Variants in RELN observed in about 807,000 individuals in gnomAD.
The protein encoded by RELN is reelin.
In RELN, 108 loss-of-function variants were observed where a neutral mutation model predicts 427.6. The observed-to-expected ratio is 0.25, with a 90% CI of 0.22 to 0.30. RELN has a LOEUF of 0.30. Among genes scored for constraint, RELN ranks in the 10% least tolerant of loss-of-function variants. The probability of loss-of-function intolerance (pLI) is 1.00; values close to 1 mark genes in which losing one functional copy is unlikely to be tolerated. For missense variants in RELN, 3,715 were observed against 4,302.8 expected, an observed-to-expected ratio of 0.86 and a Z score of 3.82; for synonymous variants, 1,524 against 1,513.4, an observed-to-expected ratio of 1.01 and a Z score of -0.16.
chr7:103,551,041 T>C (rs771043650), intron 41 of RELN, 26 bp downstream of exon 41: 1 of 1,574,188 alleles, frequency 6.4e-7, no homozygotes, highest in Non-Finnish European at 8.7e-7. Flanking sequence ...GAGAAACAAA[T>C]GTGGCGTCAA....
At chr7:103,871,249 G>C (rs574613849) in intron 2 of RELN, among the ~76,000 whole-genome samples, 1 of 100,316 alleles carries the variant, frequency 1.0e-5, no homozygotes, top group Non-Finnish European at 2.1e-5. Flanking sequence ...TTATTCTTTC[G>C]AAAAGAATAA....
At chr7:103,792,988 T>C (rs894522015) in intron 3 of RELN, among the ~76,000 whole-genome samples, 1 of 152,124 alleles carries the variant, frequency 6.6e-6, no homozygotes, top group African/African-American at 2.4e-5. Context: ...AAAACTAAAT[T>C]AGTATTTTTT....
chr7:103,567,390 A>G (rs1361963652), intron 31 of RELN, among the ~76,000 whole-genome samples: 1 of 152,190 alleles, frequency 6.6e-6, no homozygotes, highest in Non-Finnish European at 1.5e-5. Flanking sequence ...ACGCCCCTCC[A>G]CTGTCACTAG....
chr7:103,810,719 C>T (rs1446852746), intron 3 of RELN, among the ~76,000 whole-genome samples: 1 of 152,130 alleles, frequency 6.6e-6, no homozygotes, highest in Non-Finnish European at 1.5e-5. Flanking sequence ...AGTGCATGTG[C>T]ACAGTGTTTG....
intron 19 of RELN, among the ~76,000 whole-genome samples, chr7:103,631,581 T>A (rs1324647972): frequency 6.6e-6 from 1 of 152,124 alleles, no homozygotes; most frequent in Admixed American, 6.5e-5. Flanking sequence ...CGTGGGCCAC[T>A]GTGCCTGGCC....
rs750222270 is a variant in RELN, at chr7:103,483,854, A to C, written c.9984-4T>G. The stretch of plus-strand genomic sequence containing the variant: ...TTGCAAAACAAACATGATTTTGCTG[A>C]AAAACACAGGGAAATCATCTTTATT... On this transcript the variant is annotated splice_region_variant and splice_polypyrimidine_tract_variant and intron_variant, in intron 61 of 64. Coordinates refer to ENST00000428762, the MANE Select transcript of RELN (RefSeq NM_005045.4). 66 of 1,613,404 alleles carry C rather than the reference A, an allele frequency of 4.1e-5. No homozygotes were observed. Among genetic ancestry groups the C allele is most frequent in the Non-Finnish European group, 5.2e-5 (61 of 1,179,602 alleles).
intron 64 of RELN, chr7:103,476,618 T>G (rs1027436992): frequency 1.6e-5 from 3 of 185,200 alleles, no homozygotes; most frequent in Non-Finnish European, 3.6e-5. Flanking sequence ...ATTTCCAGTT[T>G]ATGAGCCTTT....
intron 4 of RELN, among the ~76,000 whole-genome samples, chr7:103,760,332 G>C (rs1791267967): frequency 6.6e-6 from 1 of 151,922 alleles, no homozygotes; most frequent in Non-Finnish European, 1.5e-5. Context: ...GAATCTCATA[G>C]ATCACAGCAG....
Position 103,510,962 on chromosome 7 carries a change from T to A in RELN, c.8163A>T (p.Arg2721Ser). The change falls in exon 51 of 65, where the codon AGA becomes AGT. Residue 2721 changes from arginine to serine, a missense_variant. This residue lies in a region of RELN where 1,310 missense variants were observed against 1,643.0 expected (regional missense o/e 0.80). Transcript: ENST00000428762. ...TCACACCATCAGGGGAGTCACAGAA[T>A]CTTTCTACTGTACAATCATCATGGA... is the stretch of plus-strand genomic sequence containing the variant. ...WLFHDDCTVE[R>S]FCDSPDGVML... is the part of the protein sequence containing the mutation. The A allele has an allele frequency of 6.2e-7, 1 of 1,613,528 alleles. No individual in the cohort carries two copies. The highest frequency in any genetic ancestry group is 8.5e-7 in the Non-Finnish European group (1 of 1,179,500).
intron 3 of RELN, among the ~76,000 whole-genome samples, chr7:103,787,097 T>C (rs779705644): frequency 6.6e-6 from 1 of 152,144 alleles, no homozygotes; most frequent in Non-Finnish European, 1.5e-5. Context: ...CCTGAATGAC[T>C]ACTGGGTAAA....
At position 103,704,986 on chromosome 7, in the gene RELN, T is replaced by C. The variant is rs565748724; in HGVS notation, c.806-3980A>G. ...TTTGTCAAGGCTGATCCGATATTTC[T>C]GGGATGTTCTCTTCTCTTCACTTCC... On this transcript the variant is annotated intron_variant, in intron 8 of 64. Transcript: ENST00000428762. Among the ~76,000 whole-genome samples, 12 of 152,316 alleles carry C rather than the reference T, an allele frequency of 7.9e-5. No individual in the cohort carries two copies. The South Asian group carries it at 2.3e-3, about 29-fold the overall frequency.
At chr7:103,610,560 A>G in intron 22 of RELN, 135 bp downstream of exon 22, 1 of 668,760 alleles carries the variant, frequency 1.5e-6, no homozygotes, top group Non-Finnish European at 2.7e-6. Context: ...TAATAAAATA[A>G]AAAGAATAAA....
chr7:103,931,638 A>T (rs1424299721), intron 1 of RELN, among the ~76,000 whole-genome samples: 2 of 152,212 alleles, frequency 1.3e-5, no homozygotes, highest in East Asian at 1.9e-4. Flanking sequence ...GTCCCTTATG[A>T]CTCTTCTATC....
At position 103,661,473 on chromosome 7, in the gene RELN, G is replaced by C. The variant is rs144150588; in HGVS notation, c.1344C>G (p.Gly448=). Reference sequence around the variant, plus strand: ...CATCTTTGAGGAAGACCATTGATAAGCCTGATTCTATCGTTCCACATTCTG... The same window carrying C: ...CATCTTTGAGGAAGACCATTGATAACCCTGATTCTATCGTTCCACATTCTG... ...IGTECGTIES[G]LSMVFLKDGE... The change falls in exon 12 of 65, where the codon GGC becomes GGG. Residue 448 remains glycine (G), a synonymous_variant. Coordinates refer to ENST00000428762, the MANE Select transcript of RELN (RefSeq NM_005045.4). The C allele has an allele frequency of 1.3e-4, 204 of 1,613,402 alleles. No homozygotes were observed. Among genetic ancestry groups the C allele is most frequent in the Middle Eastern group, 4.9e-4 (3 of 6,082 alleles).
intron 2 of RELN, among the ~76,000 whole-genome samples, chr7:103,840,138 A>G (rs538077791): frequency 1.3e-5 from 2 of 152,214 alleles, no homozygotes; most frequent in East Asian, 3.9e-4. Flanking sequence ...AATTAAACCT[A>G]TTTTCTTTAT....
rs755196324 is a variant in RELN at position 103,749,476 on chromosome 7, C to G, written c.606G>C (p.Leu202=). 7 of 1,612,770 alleles carry G rather than the reference C, an allele frequency of 4.3e-6. No homozygotes were observed. In the East Asian group the frequency reaches 1.6e-4, roughly 36 times the overall value. Residue 202 remains leucine, a synonymous_variant, in exon 6 of 65, where the codon CTG becomes CTC. Coordinates refer to ENST00000428762, the MANE Select transcript of RELN (RefSeq NM_005045.4). The part of the protein sequence containing the change: ...LAEIHSDSII[L]RDDFDSYHQL... ...GGTGGTAGGAGTCAAAGTCATCTCT[C>G]AGGATAATGCTGTCACTATGTATTT...
rs5886265 is a variant in RELN at position 103,674,180 on chromosome 7, G to GAA, written c.1289+7934_1289+7935dup. 7.6e-4 allele frequency among the ~76,000 whole-genome samples: 116 copies of GAA among 151,934 alleles called. No individual in the cohort carries two copies. The South Asian group carries it at 0.012, about 15-fold the overall frequency. On this transcript the variant is annotated intron_variant, in intron 11 of 64. Coordinates refer to ENST00000428762, the MANE Select transcript of RELN (RefSeq NM_005045.4). ...TAGCTCTGCCTATACTGATATTCAGGAAAAAAATCCATTAAACTTGTTTCA... is the reference window on the plus strand; with the variant it reads ...TAGCTCTGCCTATACTGATATTCAGGAAAAAAAAATCCATTAAACTTGTTTCA...
intron 6 of RELN, among the ~76,000 whole-genome samples, chr7:103,745,686 A>G (rs1232399073): frequency 2.7e-5 from 4 of 150,144 alleles, no homozygotes; most frequent in African/African-American, 1.0e-4. Context: ...AGAGAATAAA[A>G]TACCTAGGAA....
At chr7:103,662,908 C>T (rs2382880) in intron 11 of RELN, among the ~76,000 whole-genome samples, 4,049 of 152,222 alleles carry the variant, frequency 0.027, 195 homozygotes, top group African/African-American at 0.093. Flanking sequence ...TAATGCAGAA[C>T]ATGCAGTCCT....
Sources: allele counts gnomAD v4.1 joint callset (sites outside exome capture counted in the v4.1 genomes callset), GRCh38; gene constraint gnomAD v4.1.1; regional missense constraint gnomAD v4.1.1; transcripts MANE v1.5; gene names NCBI Gene and HGNC (gene_info 2026-07-23, HGNC 2026-07-21).